SMAD3: variants seen among roughly 807,000 people sequenced by gnomAD.
SMAD3 encodes MAD homolog 3.
In SMAD3, 12 loss-of-function variants were observed where a neutral mutation model predicts 51.8. The observed-to-expected ratio is 0.23, with a 90% CI of 0.15 to 0.38. The LOEUF (loss-of-function observed/expected upper bound fraction) is 0.38. SMAD3 is among the 10% of genes least tolerant of loss of function. The pLI, the probability that SMAD3 is intolerant of heterozygous loss-of-function variation, is 1.00. For missense variants in SMAD3, 294 were observed against 565.6 expected, an observed-to-expected ratio of 0.52 and a Z score of 4.87; for synonymous variants, 238 against 227.7, an observed-to-expected ratio of 1.05 and a Z score of -0.41.
chr15:67,125,050 G>A (rs1319555939), intron 1 of SMAD3, among the ~76,000 whole-genome samples: 1 of 152,238 alleles, frequency 6.6e-6, no homozygotes, highest in African/African-American at 2.4e-5. Flanking sequence ...CCAGCCAAAT[G>A]GTCAGAGAGC....
At chr15:67,125,384 T>C (rs186393137) in intron 1 of SMAD3, among the ~76,000 whole-genome samples, 1 of 152,344 alleles carries the variant, frequency 6.6e-6, no homozygotes, top group East Asian at 1.9e-4. Flanking sequence ...GATCACCCCA[T>C]AGGACATTTG....
At chr15:67,125,914 C>T (rs1469923460) in intron 1 of SMAD3, 5 of 985,326 alleles carry the variant, frequency 5.1e-6, no homozygotes, top group Middle Eastern at 5.2e-4. Flanking sequence ...CCACAGGATG[C>T]GACATTCCCA....
intron 1 of SMAD3, among the ~76,000 whole-genome samples, chr15:67,130,270 G>A (rs992040369): frequency 6.6e-6 from 1 of 152,176 alleles, no homozygotes; most frequent in Non-Finnish European, 1.5e-5. Flanking sequence ...ATTTGGAATA[G>A]GGCCTGCTGA....
chr15:67,168,240 G>A (rs1190300737), intron 4 of SMAD3, among the ~76,000 whole-genome samples: 1 of 152,232 alleles, frequency 6.6e-6, no homozygotes, highest in African/African-American at 2.4e-5. Flanking sequence ...CACCGCACCT[G>A]GCTGAGGTTG....
chr15:67,145,186 AC>A (rs1305855710), intron 1 of SMAD3, among the ~76,000 whole-genome samples: 2 of 152,144 alleles, frequency 1.3e-5, no homozygotes, highest in African/African-American at 4.8e-5. Flanking sequence ...CAGAAAAGGG[AC>A]CTTGGAAATA....
intron 1 of SMAD3, among the ~76,000 whole-genome samples, chr15:67,161,331 G>T (rs912917367): frequency 9.9e-5 from 15 of 152,114 alleles, no homozygotes; most frequent in African/African-American, 3.6e-4. Context: ...TAGCTCCCTT[G>T]TTTTTAAAAG....
At chr15:67,188,780 C>T (rs1963288501) in intron 8 of SMAD3, among the ~76,000 whole-genome samples, 1 of 152,242 alleles carries the variant, frequency 6.6e-6, no homozygotes. Context: ...TCAATATTGG[C>T]CTTGGGCCAC....
intron 1 of SMAD3, among the ~76,000 whole-genome samples, chr15:67,153,155 CTGAG>C (rs1239723433): frequency 6.6e-6 from 1 of 152,124 alleles, no homozygotes; most frequent in Non-Finnish European, 1.5e-5. Context: ...CAGTGAGTTA[CTGAG>C]TGAGAAGTGC....
rs1179975612 is a variant in SMAD3 at position 67,166,787 on chromosome 15, C to T, written c.541C>T (p.Pro181Ser). 2.5e-6 allele frequency: 4 copies of T among 1,592,308 alleles called. No homozygotes were observed. Among genetic ancestry groups the T allele is most frequent in the African/African-American group, 1.3e-5 (1 of 74,662 alleles). ...TTCCTTCTGATTCCCAGAGACCCCA[C>T]CCCCTGGCTACCTGAGTGAAGATGG... ...EPQSNIPETP[P>S]PGYLSEDGET... The change falls in exon 4 of 9, where the codon CCC (proline) becomes TCC (serine). Residue 181 changes from proline (P) to serine (S), a missense_variant. Coordinates refer to ENST00000327367, the MANE Select transcript of SMAD3 (RefSeq NM_005902.4).
chr15:67,189,543 ACGGG>A (rs1231860870), intron 8 of SMAD3, among the ~76,000 whole-genome samples: 7 of 152,224 alleles, frequency 4.6e-5, no homozygotes, highest in Non-Finnish European at 8.8e-5. Flanking sequence ...CAGCAGCCTG[ACGGG>A]CGGGCGCGGC....
chr15:67,155,137 C>T (rs1463215593), intron 1 of SMAD3, among the ~76,000 whole-genome samples: 1 of 152,212 alleles, frequency 6.6e-6, no homozygotes, highest in Non-Finnish European at 1.5e-5. Flanking sequence ...CAAGGGTCAG[C>T]TGTCACAGTT....
At chr15:67,099,194 G>A (rs760558791) in intron 1 of SMAD3, among the ~76,000 whole-genome samples, 30 of 152,324 alleles carry the variant, frequency 2.0e-4, no homozygotes, top group Non-Finnish European at 3.8e-4. Context: ...AAGGACTAAG[G>A]ACTTCTGTCT....
chr15:67,087,808 A>G (rs11631839), intron 1 of SMAD3, among the ~76,000 whole-genome samples: 69,839 of 151,966 alleles, frequency 0.46, 16,406 homozygotes, highest in South Asian at 0.66. Context: ...AAAGACTTAT[A>G]TTTTCTGGGC....
intron 1 of SMAD3, among the ~76,000 whole-genome samples, chr15:67,134,205 C>A (rs1245595704): frequency 2.6e-5 from 4 of 152,038 alleles, no homozygotes; most frequent in African/African-American, 9.7e-5. Context: ...TGCAACGCCC[C>A]ACCAAGCCAG....
intron 1 of SMAD3, among the ~76,000 whole-genome samples, chr15:67,134,834 G>A (rs540538228): frequency 6.6e-6 from 1 of 152,216 alleles, no homozygotes; most frequent in Non-Finnish European, 1.5e-5. Context: ...TATGTGTGCT[G>A]TTGCCCCTCA....
chr15:67,148,692 C>G (rs1962043776), intron 1 of SMAD3, among the ~76,000 whole-genome samples: 1 of 152,202 alleles, frequency 6.6e-6, no homozygotes, highest in Non-Finnish European at 1.5e-5. Flanking sequence ...TAATGTGCGT[C>G]TGTGGATCCC....
In SMAD3 at chr15:67,125,918, A is replaced by G. The variant is rs1961374660; in HGVS notation, c.207-38977A>G. ...ACGCTGGGTTCCCACAGGATGCGAC[A>G]TTCCCACAGGATGGGACAACTGCAT... On this transcript the variant is annotated intron_variant, in intron 1 of 8. Transcript: ENST00000327367. The G allele has an allele frequency of 4.1e-6, 4 of 985,324 alleles. No homozygotes were observed. In the African/African-American group the frequency reaches 5.2e-5, roughly 13 times the overall value. 61.0% of individuals were successfully genotyped at this position (985,324 alleles called of 1,614,324 possible).
chr15:67,092,613 C>T (rs1357317555), intron 1 of SMAD3, among the ~76,000 whole-genome samples: 3 of 152,008 alleles, frequency 2.0e-5, no homozygotes, highest in South Asian at 2.1e-4. Context: ...AATGATGCAC[C>T]GTGTGGAAGC....
At chr15:67,073,487 A>G (rs570580956) in intron 1 of SMAD3, among the ~76,000 whole-genome samples, 1 of 152,284 alleles carries the variant, frequency 6.6e-6, no homozygotes, top group African/African-American at 2.4e-5. Flanking sequence ...TTTGGGGATT[A>G]TTTTGGAGGT....
Sources: allele counts gnomAD v4.1 joint callset (sites outside exome capture counted in the v4.1 genomes callset), GRCh38; gene constraint gnomAD v4.1.1; transcripts MANE v1.5; gene names NCBI Gene and HGNC (gene_info 2026-07-23, HGNC 2026-07-21).